GNL3L: variants seen among roughly 807,000 people sequenced by gnomAD.
The protein encoded by GNL3L is G protein nucleolar 3 like.
GNL3L carries 4 observed loss-of-function variants against 42.9 expected under a neutral mutation model. The observed-to-expected ratio is 0.09, with a 90% CI of 0.05 to 0.21. The LOEUF is 0.21. GNL3L is among the 10% of genes least tolerant of loss of function. GNL3L has a pLI of 1.00. For synonymous variants in GNL3L, 159 were observed against 176.3 expected, an observed-to-expected ratio of 0.90 and a Z score of 0.78; for missense variants, 412 against 481.7, an observed-to-expected ratio of 0.86 and a Z score of 1.36.
chrX:54,575,753 CA>C (rs1482857305), intron 16 of GNL3L, among the ~76,000 whole-genome samples: 1 of 105,830 alleles, frequency 9.4e-6, no homozygotes, highest in Non-Finnish European at 2.0e-5. Flanking sequence ...AAACAAACAA[CA>C]AAAAAATTAG....
chrX:54,558,480 G>C lies in GNL3L; in HGVS notation c.1491G>C (p.Gln497His), dbSNP rs1178401197. ...ATTGCACCAATCCGAACCGTCATCA[G>C]ATGGGGTGGGCTAAACGCAATGTGG... ...TGYCTNPNRH[Q>H]MGWAKRNVDH... Residue 497 changes from glutamine to histidine, a missense_variant, in exon 15 of 16, where the codon CAG (glutamine) becomes CAC (histidine). Physicochemically the swap from Gln to His is conservative, Grantham distance 24. Transcript: ENST00000360845. The C allele has an allele frequency of 1.7e-6, 2 of 1,207,225 alleles. No homozygotes were observed. The highest frequency in any genetic ancestry group is 2.2e-6 in the Non-Finnish European group (2 of 893,045).
At chrX:54,626,047 G>A (rs1428816146), downstream of GNL3L, among the ~76,000 whole-genome samples, 1 of 111,091 alleles carries the variant, frequency 9.0e-6, no homozygotes, top group African/African-American at 3.3e-5. Context: ...ATTCAAAATA[G>A]TCTCTTCTGA....
intron 16 of GNL3L, among the ~76,000 whole-genome samples, chrX:54,596,371 G>A (rs998474973): frequency 9.0e-6 from 1 of 111,730 alleles, no homozygotes; most frequent in Non-Finnish European, 1.9e-5. Flanking sequence ...TGGATTAGTA[G>A]GCAGAGAGTC....
the GNL3L span, among the ~76,000 whole-genome samples, chrX:54,637,834 T>C: frequency 9.0e-6 from 1 of 111,685 alleles, no homozygotes; most frequent in Non-Finnish European, 1.9e-5. Context: ...CAAATATTTA[T>C]GGAGAAAATG....
intron 5 of GNL3L, 53 bp downstream of exon 5, chrX:54,541,442 G>A (rs1335951925): frequency 1.8e-5 from 12 of 651,330 alleles, no homozygotes; most frequent in African/African-American, 2.2e-5. Flanking sequence ...ATCTTTTGCC[G>A]TTTTTCTGTG....
chrX:54,616,176 C>T (rs934551324), intron 16 of GNL3L, among the ~76,000 whole-genome samples: 1 of 112,993 alleles, frequency 8.9e-6, no homozygotes. Flanking sequence ...AGTGAGAAGG[C>T]CTGGCAAGGG....
At chrX:54,615,906 A>G (rs958240214) in intron 16 of GNL3L, among the ~76,000 whole-genome samples, 3 of 112,461 alleles carry the variant, frequency 2.7e-5, no homozygotes, top group Non-Finnish European at 5.6e-5. Context: ...GCCTGTGTCA[A>G]CAGCTTTTCT....
rs1924282226 is a variant in GNL3L, at chrX:54,532,504, TCTC to T, written c.-47-14_-47-12del. On this transcript the variant is annotated splice_polypyrimidine_tract_variant and intron_variant, in intron 1 of 15. Transcript: ENST00000360845. ...TCCCAGCTGTCTTCAAATTGCTTCT[TCTC>T]CCATTCTGACAGGAAGAGAGCAAGC... 2 of 959,138 alleles carry T rather than the reference TCTC, an allele frequency of 2.1e-6. No homozygotes were observed. Among genetic ancestry groups the T allele is most frequent in the East Asian group, 6.2e-5 (2 of 32,487 alleles). 79.0% of individuals were successfully genotyped at this position (959,138 alleles called of 1,213,427 possible).
rs369543751 is a variant in GNL3L at position 54,560,643 on chromosome X, C to T, written c.*41C>T. On this transcript the variant is annotated 3_prime_UTR_variant, in exon 16 of 16. Coordinates refer to ENST00000360845, the MANE Select transcript of GNL3L (RefSeq NM_001184819.2). ...TCCCTTCCGCTCCAAGCACCAGTTC[C>T]GGTGGTACGGGGGAATACCAGTGAA... 17 of 774,075 alleles carry T rather than the reference C, an allele frequency of 2.2e-5. No homozygotes were observed. The highest frequency in any genetic ancestry group is 1.1e-4 in the Admixed American group (5 of 44,840). The allele number at this position is 774,075 out of a possible 1,213,427, so 63.8% of individuals were successfully genotyped here.
chrX:54,555,978 T>C (rs189999752), intron 14 of GNL3L, among the ~76,000 whole-genome samples: 2 of 110,374 alleles, frequency 1.8e-5, no homozygotes, highest in Non-Finnish European at 3.8e-5. Flanking sequence ...TCTCTGCCCT[T>C]GAGGAGTTCA....
At chrX:54,606,681 C>T (rs1008791608) in intron 16 of GNL3L, among the ~76,000 whole-genome samples, 4 of 104,762 alleles carry the variant, frequency 3.8e-5, no homozygotes, top group South Asian at 9.0e-4. Flanking sequence ...CAGTCTGTCT[C>T]CCAGTATGGA....
intron 2 of GNL3L, among the ~76,000 whole-genome samples, chrX:54,535,804 G>A (rs899472356): frequency 9.0e-6 from 1 of 110,982 alleles, no homozygotes; most frequent in African/African-American, 3.3e-5. Flanking sequence ...TCACTCTGTC[G>A]GCCAGGCTAG....
At chrX:54,578,197 TTG>T (rs1197398412) in intron 16 of GNL3L, among the ~76,000 whole-genome samples, 1 of 112,389 alleles carries the variant, frequency 8.9e-6, no homozygotes, top group Non-Finnish European at 1.9e-5. Context: ...TTTATCATTT[TTG>T]TGTGTGTGTA....
At position 54,588,405 on chromosome X, in the gene GNL3L, A is replaced by T. The variant is rs752102734; in HGVS notation, c.*45+27758A>T. On this transcript the variant is annotated intron_variant, in intron 16 of 16. Transcript: ENST00000674498. ...TCCATCTATTACTATTTTTTCTGAG[A>T]GCTTAAAAATTCTCATTCATAGGTA... Among the ~76,000 whole-genome samples, 21 of 112,147 alleles carry T rather than the reference A, an allele frequency of 1.9e-4. 1 individual carries two copies. Among genetic ancestry groups the T allele is most frequent in the Non-Finnish European group, 2.1e-4 (11 of 53,237 alleles).
intron 16 of GNL3L, among the ~76,000 whole-genome samples, chrX:54,615,362 A>T (rs920986388): frequency 1.8e-5 from 2 of 111,972 alleles, no homozygotes; most frequent in African/African-American, 6.5e-5. Context: ...AGCTATTGTG[A>T]ATAGTGTTGC....
intron 16 of GNL3L, among the ~76,000 whole-genome samples, chrX:54,583,240 G>A (rs1376750387): frequency 9.1e-6 from 1 of 109,947 alleles, no homozygotes; most frequent in Non-Finnish European, 1.9e-5. Context: ...TTGCCTAAGC[G>A]GGAGTGCAAT....
chrX:54,544,470 CT>C (rs869256708), intron 8 of GNL3L, 144 bp downstream of exon 8: 47,270 of 292,389 alleles, frequency 0.16, no homozygotes, highest in East Asian at 0.2. Flanking sequence ...CACCGAGTGA[CT>C]TTTTTTTTTT....
rs187368461 is a variant in GNL3L, at chrX:54,618,309, C to A, written c.*46-2536C>A. Among the ~76,000 whole-genome samples the A allele has an allele frequency of 5.4e-5, 6 of 111,925 alleles. No homozygotes were observed. The East Asian group carries it at 1.1e-3, about 21-fold the overall frequency. ...CCTAGTCCTTCTAAACTTGCTCCTC[C>A]TCCTGGCTTTCCCAAGTCAGCAAAT... is the stretch of plus-strand genomic sequence containing the variant. On this transcript the variant is annotated intron_variant, in intron 16 of 16. Transcript: ENST00000674498.
chrX:54,571,636 G>T (rs1925545367), downstream of GNL3L, among the ~76,000 whole-genome samples: 1 of 108,994 alleles, frequency 9.2e-6, no homozygotes, highest in Non-Finnish European at 1.9e-5. Flanking sequence ...CACCTGGCTT[G>T]AGACATCTGA....
Sources: allele counts gnomAD v4.1 joint callset (sites outside exome capture counted in the v4.1 genomes callset), GRCh38; gene constraint gnomAD v4.1.1; transcripts MANE v1.5; gene names NCBI Gene and HGNC (gene_info 2026-07-23, HGNC 2026-07-21).